SVIL: variants seen among roughly 807,000 people sequenced by gnomAD.
The protein encoded by SVIL is archvillin.
SVIL carries 101 observed loss-of-function variants against 240.4 expected under a neutral mutation model. The observed-to-expected ratio is 0.42, with a 90% CI of 0.36 to 0.50. SVIL has a LOEUF of 0.50. Ranked by LOEUF, SVIL falls within the 20% of genes least tolerant of loss-of-function variation. SVIL has a pLI of 0.01. For synonymous variants in SVIL, 999 were observed against 1,100.0 expected (o/e 0.91, Z 1.82); for missense variants, 2,512 against 2,818.7 (o/e 0.89, Z 2.46).
intron 1 of SVIL, among the ~76,000 whole-genome samples, chr10:29,583,413 C>T (rs1318884774): frequency 6.6e-6 from 1 of 152,158 alleles, no homozygotes; most frequent in African/African-American, 2.4e-5. Flanking sequence ...ATTCCTCCCA[C>T]CTCTGCCTCC....
intron 3 of SVIL, among the ~76,000 whole-genome samples, chr10:29,557,491 G>A (rs1267338305): frequency 6.6e-6 from 1 of 152,110 alleles, no homozygotes; most frequent in Non-Finnish European, 1.5e-5. Context: ...ACTGGAAAAA[G>A]TTAAGATAGA....
intron 2 of SVIL, among the ~76,000 whole-genome samples, chr10:29,659,935 A>C (rs1959107935): frequency 6.6e-6 from 1 of 152,214 alleles, no homozygotes; most frequent in East Asian, 1.9e-4. Flanking sequence ...TTAGGGCTCC[A>C]AACTGGTTTA....
At chr10:29,490,585 T>A (rs5784214) in intron 22 of SVIL, among the ~76,000 whole-genome samples, 42 of 76,206 alleles carry the variant, frequency 5.5e-4, no homozygotes, top group African/African-American at 2.1e-3. Context: ...CCCCAGTCTT[T>A]AAAAAAAAAA....
intron 2 of SVIL, among the ~76,000 whole-genome samples, chr10:29,677,505 C>T (rs1052584359): frequency 4.6e-5 from 7 of 152,164 alleles, no homozygotes; most frequent in Admixed American, 2.6e-4. Context: ...AACTCCTGGA[C>T]TCCATGCAAT....
At position 29,493,290 on chromosome 10, in the gene SVIL, C is replaced by T. The variant is rs773023361; in HGVS notation, c.3943G>A (p.Val1315Met). 8.1e-6 allele frequency: 13 copies of T among 1,614,174 alleles called. No homozygotes were observed. Among genetic ancestry groups the T allele is most frequent in the Admixed American group, 6.7e-5 (4 of 60,026 alleles). The change falls in exon 21 of 38, where the codon GTG (valine) becomes ATG (methionine). Residue 1315 changes from valine (V) to methionine (M), a missense_variant. By Grantham distance (21) the Val-to-Met change is conservative. Around this residue, in one of 3 missense-constraint regions of SVIL, gnomAD observed 272 missense variants for 406.8 expected, o/e 0.67. Coordinates refer to ENST00000355867, the MANE Select transcript of SVIL (RefSeq NM_021738.3). ...DETFAKFYRS[V>M]DYNMPRSPVE... ...GGACTTCTTGGCATATTATAATCCACGCTGCGGTAAAATTTGGCAAAGGTT... is the reference window on the plus strand; with the variant it reads ...GGACTTCTTGGCATATTATAATCCATGCTGCGGTAAAATTTGGCAAAGGTT...
intron 3 of SVIL, among the ~76,000 whole-genome samples, chr10:29,559,066 A>G (rs1954211404): frequency 6.6e-6 from 1 of 151,494 alleles, no homozygotes; most frequent in Non-Finnish European, 1.5e-5. Context: ...AGCCAATACT[A>G]AAAACATCAT....
intron 1 of SVIL, among the ~76,000 whole-genome samples, chr10:29,619,286 C>G (rs1957539556): frequency 2.0e-5 from 3 of 152,132 alleles, no homozygotes; most frequent in Admixed American, 1.3e-4. Context: ...ATTGTGACTC[C>G]CTGCGGATGC....
At chr10:29,467,597 G>T in intron 33 of SVIL, 145 bp downstream of exon 33, 1 of 1,028,468 alleles carries the variant, frequency 9.7e-7, no homozygotes, top group Non-Finnish European at 1.4e-6. Context: ...AGAGGCTGAG[G>T]CAGGCTGATC....
chr10:29,623,966 A>AT (rs1390213997), intron 1 of SVIL, among the ~76,000 whole-genome samples: 1 of 152,182 alleles, frequency 6.6e-6, no homozygotes, highest in Admixed American at 6.5e-5. Context: ...GTTTGTGGAA[A>AT]TGCACTCCAT....
At chr10:29,657,386 G>T (rs556426774) in intron 3 of SVIL, among the ~76,000 whole-genome samples, 84 of 152,314 alleles carry the variant, frequency 5.5e-4, no homozygotes, top group African/African-American at 1.9e-3. Context: ...AAGCTCATTA[G>T]TTTTGAAGAA....
At chr10:29,563,705 G>A (rs1031438328) in intron 2 of SVIL, among the ~76,000 whole-genome samples, 7 of 122,028 alleles carry the variant, frequency 5.7e-5, no homozygotes, top group African/African-American at 2.2e-4. Context: ...CTGTCTTCCA[G>A]TGTTAAAATT....
In SVIL at chr10:29,532,189, G is replaced by T. The variant is rs1951420068; in HGVS notation, c.1839-17C>A. The T allele has an allele frequency of 6.2e-7, 1 of 1,612,714 alleles. No individual in the cohort carries two copies. Among genetic ancestry groups the T allele is most frequent in the East Asian group, 2.2e-5 (1 of 44,874 alleles). ...CGTGATTTGCTTTGAGAATCAAAGG[G>T]CAGAGAGTATAAGGAAGGCAAACGA... On this transcript the variant is annotated splice_polypyrimidine_tract_variant and intron_variant, in intron 8 of 37. Coordinates refer to ENST00000355867, the MANE Select transcript of SVIL (RefSeq NM_021738.3).
chr10:29,585,811 C>T (rs1286930769), intron 1 of SVIL, among the ~76,000 whole-genome samples: 5 of 152,230 alleles, frequency 3.3e-5, no homozygotes, highest in South Asian at 2.1e-4. Flanking sequence ...GAGTGAGCCG[C>T]GGTTCGCGTC....
chr10:29,483,906 G>A (rs572186421), intron 27 of SVIL: 43 of 152,284 alleles, frequency 2.8e-4, no homozygotes, highest in African/African-American at 1.0e-3. Context: ...ATTGGGAGAT[G>A]CCCAATATTC....
intron 1 of SVIL, among the ~76,000 whole-genome samples, chr10:29,569,868 T>C (rs1955300935): frequency 1.3e-5 from 2 of 152,256 alleles, no homozygotes; most frequent in African/African-American, 4.8e-5. Flanking sequence ...ATAGGTATTA[T>C]GTAAAGACAG....
intron 1 of SVIL, among the ~76,000 whole-genome samples, chr10:29,717,779 TTGC>T (rs1208818636): frequency 4.6e-5 from 7 of 152,184 alleles, no homozygotes; most frequent in Non-Finnish European, 1.0e-4. Flanking sequence ...CTGAGTTCAG[TTGC>T]TGGAGAACTT....
intron 6 of SVIL, among the ~76,000 whole-genome samples, chr10:29,544,410 T>C (rs887484679): frequency 1.3e-5 from 2 of 152,164 alleles, no homozygotes; most frequent in African/African-American, 4.8e-5. Context: ...TTTTAGCTAG[T>C]GTACATAGTA....
chr10:29,655,467 C>T (rs753644603), intron 3 of SVIL, among the ~76,000 whole-genome samples: 2 of 152,186 alleles, frequency 1.3e-5, no homozygotes, highest in African/African-American at 2.4e-5. Context: ...CTTATCCCAC[C>T]TTCTTCTACT....
chr10:29,661,401 G>A (rs919265846), intron 2 of SVIL, among the ~76,000 whole-genome samples: 30 of 152,256 alleles, frequency 2.0e-4, no homozygotes, highest in Admixed American at 3.3e-4. Flanking sequence ...TTCGAGAAAC[G>A]AGTCAAACCG....
Sources: gnomAD v4.1 joint callset for allele counts (sites outside exome capture counted in the v4.1 genomes callset) on GRCh38, gnomAD v4.1.1 for gene constraint, gnomAD v4.1.1 regional missense constraint, MANE v1.5 for transcripts, NCBI Gene and HGNC (gene_info 2026-07-23, HGNC 2026-07-21) for gene names.